Variants in RFX3 observed in about 807,000 individuals in gnomAD.
RFX3 encodes regulatory factor X3, also known as transcription factor RFX3.
Under a neutral mutation model 98.6 loss-of-function variants are expected in RFX3, and 14 were observed. The ratio of observed to expected loss-of-function variants is 0.14; its 90% CI spans 0.09 to 0.22. The LOEUF is 0.22. Among genes scored for constraint, RFX3 ranks in the 10% least tolerant of loss-of-function variants. The pLI is 1.00. For missense variants in RFX3, 639 were observed against 926.9 expected, an observed-to-expected ratio of 0.69 and a Z score of 4.03; for synonymous variants, 383 against 328.4, an observed-to-expected ratio of 1.17 and a Z score of -1.80.
At chr9:3,344,958 A>G (rs1340209154) in intron 3 of RFX3, 2 of 631,364 alleles carry the variant, frequency 3.2e-6, no homozygotes, top group African/African-American at 3.8e-5. Context: ...TTAATACGGT[A>G]ACAGAAATTT....
intron 5 of RFX3, among the ~76,000 whole-genome samples, chr9:3,296,068 G>A (rs552706248): frequency 4.6e-5 from 7 of 151,782 alleles, no homozygotes; most frequent in Non-Finnish European, 1.0e-4. Flanking sequence ...GAATTATCTT[G>A]TAGATTAAAA....
At chr9:3,387,704 T>A (rs1413627630) in intron 2 of RFX3, among the ~76,000 whole-genome samples, 1 of 152,048 alleles carries the variant, frequency 6.6e-6, no homozygotes, top group African/African-American at 2.4e-5. Flanking sequence ...TCTGCCACAG[T>A]CTTAATTATG....
At chr9:3,366,374 T>G (rs1837073786) in intron 2 of RFX3, among the ~76,000 whole-genome samples, 1 of 152,210 alleles carries the variant, frequency 6.6e-6, no homozygotes, top group African/African-American at 2.4e-5. Context: ...CGTGTATACG[T>G]GTGTGTCTGC....
chr9:3,396,744 G>A (rs1840929789), intron 1 of RFX3, among the ~76,000 whole-genome samples: 1 of 152,170 alleles, frequency 6.6e-6, no homozygotes, highest in African/African-American at 2.4e-5. Flanking sequence ...TAACTGGTGT[G>A]AGATGGTATC....
intron 1 of RFX3, among the ~76,000 whole-genome samples, chr9:3,437,429 TAGAACAC>T (rs1168805234): frequency 6.6e-6 from 1 of 152,098 alleles, no homozygotes; most frequent in Non-Finnish European, 1.5e-5. Flanking sequence ...GAGCTAGACT[TAGAACAC>T]AGAATGAACA....
At chr9:3,441,449 A>G (rs1845603369) in intron 1 of RFX3, among the ~76,000 whole-genome samples, 2 of 152,136 alleles carry the variant, frequency 1.3e-5, no homozygotes, top group Admixed American at 6.5e-5. Context: ...TAATTTCTAT[A>G]TAATAAGCTC....
At chr9:3,361,109 G>A (rs540187932) in intron 2 of RFX3, among the ~76,000 whole-genome samples, 1 of 152,146 alleles carries the variant, frequency 6.6e-6, no homozygotes, top group South Asian at 2.1e-4. Context: ...GCTCTTAGCA[G>A]ATTAAAAACA....
chr9:3,432,397 C>T (rs575618067), intron 1 of RFX3, among the ~76,000 whole-genome samples: 5 of 152,186 alleles, frequency 3.3e-5, no homozygotes, highest in East Asian at 1.9e-4. Flanking sequence ...GTAGAGAGAA[C>T]GTCATGAAAG....
intron 1 of RFX3, among the ~76,000 whole-genome samples, chr9:3,493,015 T>C (rs1174026917): frequency 6.6e-6 from 1 of 152,104 alleles, no homozygotes; most frequent in African/African-American, 2.4e-5. Flanking sequence ...ACTCATCAAA[T>C]AATAACAATA....
At chr9:3,341,006 A>C (rs1034992895) in intron 3 of RFX3, among the ~76,000 whole-genome samples, 3 of 152,216 alleles carry the variant, frequency 2.0e-5, no homozygotes, top group Admixed American at 1.3e-4. Context: ...AACCAACCCA[A>C]TTGTCCAACA....
intron 15 of RFX3, among the ~76,000 whole-genome samples, chr9:3,241,116 T>C (rs997540135): frequency 1.3e-5 from 2 of 152,196 alleles, no homozygotes; most frequent in African/African-American, 4.8e-5. Context: ...TTTAGGGAAA[T>C]TGCTGTCGTA....
chr9:3,516,203 C>T (rs1818148979), intron 1 of RFX3, among the ~76,000 whole-genome samples: 1 of 152,034 alleles, frequency 6.6e-6, no homozygotes, highest in Non-Finnish European at 1.5e-5. Context: ...CGCCCGCCAC[C>T]ACGCCCAGCT....
chr9:3,227,641 T>A (rs1817935625), intron 16 of RFX3, among the ~76,000 whole-genome samples: 1 of 152,148 alleles, frequency 6.6e-6, no homozygotes, highest in Non-Finnish European at 1.5e-5. Flanking sequence ...TGGGATGAAA[T>A]CCCTAAATTT....
intron 7 of RFX3, among the ~76,000 whole-genome samples, chr9:3,278,858 C>G (rs906674425): frequency 1.3e-5 from 2 of 151,768 alleles, no homozygotes; most frequent in East Asian, 3.9e-4. Context: ...CAGTACAGCA[C>G]TCTTCATCCT....
intron 14 of RFX3, among the ~76,000 whole-genome samples, chr9:3,250,480 G>C (rs1406909435): frequency 6.6e-6 from 1 of 151,986 alleles, no homozygotes; most frequent in Non-Finnish European, 1.5e-5. Flanking sequence ...AGCTGGTTTG[G>C]AAAAACTCTC....
At chr9:3,312,463 C>A (rs1045314328) in intron 4 of RFX3, among the ~76,000 whole-genome samples, 1 of 151,956 alleles carries the variant, frequency 6.6e-6, no homozygotes, top group Non-Finnish European at 1.5e-5. Flanking sequence ...CAGCTATGTA[C>A]TGTTAAAAGC....
intron 1 of RFX3, among the ~76,000 whole-genome samples, chr9:3,506,332 C>T (rs1034856164): frequency 6.6e-6 from 1 of 151,736 alleles, no homozygotes; most frequent in African/African-American, 2.4e-5. Context: ...ATGGATCTCA[C>T]TACTGTAGTA....
At chr9:3,478,755 C>T (rs1158483654) in intron 1 of RFX3, among the ~76,000 whole-genome samples, 2 of 152,168 alleles carry the variant, frequency 1.3e-5, no homozygotes, top group Non-Finnish European at 2.9e-5. Flanking sequence ...CCAGAGCTTT[C>T]CAAAGTTCCC....
At chr9:3,350,191 C>T (rs1409807379) in intron 2 of RFX3, among the ~76,000 whole-genome samples, 10 of 152,066 alleles carry the variant, frequency 6.6e-5, no homozygotes. Context: ...AAGCCACAAA[C>T]TGGGGAAGAA....
Sources: gnomAD v4.1 joint callset for allele counts (sites outside exome capture counted in the v4.1 genomes callset) on GRCh38, gnomAD v4.1.1 for gene constraint, MANE v1.5 for transcripts, NCBI Gene and HGNC (gene_info 2026-07-23, HGNC 2026-07-21) for gene names.